Variants in EXOC6B observed in about 807,000 individuals in gnomAD.
EXOC6B encodes SEC15 homolog B.
A neutral mutation model predicts 113.5 loss-of-function variants in EXOC6B; 54 were observed. The ratio of observed to expected loss-of-function variants is 0.48; its 90% confidence interval spans 0.38 to 0.60. The LOEUF (loss-of-function observed/expected upper bound fraction) is 0.60. Among genes scored for constraint, EXOC6B ranks in the 20% least tolerant of loss-of-function variants. The pLI, the probability that EXOC6B is intolerant of heterozygous loss-of-function variation, is 0.00. For missense variants in EXOC6B, 797 were observed against 977.5 expected, an observed-to-expected ratio of 0.82 and a Z score of 2.46; for synonymous variants, 357 against 339.0, an observed-to-expected ratio of 1.05 and a Z score of -0.58.
At chr2:72,586,326 G>A (rs933841476) in intron 6 of EXOC6B, among the ~76,000 whole-genome samples, 2 of 152,100 alleles carry the variant, frequency 1.3e-5, no homozygotes, top group African/African-American at 2.4e-5. Context: ...TACAGAATGG[G>A]AGAAAATATT....
intron 19 of EXOC6B, among the ~76,000 whole-genome samples, chr2:72,344,964 T>C (rs1405181649): frequency 6.6e-6 from 1 of 151,940 alleles, no homozygotes; most frequent in East Asian, 1.9e-4. Flanking sequence ...AGAAGCAGCA[T>C]TCAACAATCA....
At chr2:72,605,560 A>G (rs756062592) in intron 6 of EXOC6B, among the ~76,000 whole-genome samples, 32 of 152,210 alleles carry the variant, frequency 2.1e-4, no homozygotes, top group Non-Finnish European at 4.0e-4. Flanking sequence ...TTATCTTTGC[A>G]TTTTAAGTTC....
intron 18 of EXOC6B, among the ~76,000 whole-genome samples, chr2:72,423,552 A>C (rs1421169960): frequency 6.6e-6 from 1 of 152,224 alleles, no homozygotes; most frequent in African/African-American, 2.4e-5. Context: ...AGGATCATAT[A>C]ATTGGCAAGT....
At chr2:72,638,546 G>A (rs116831628) in intron 6 of EXOC6B, among the ~76,000 whole-genome samples, 1,528 of 152,226 alleles carry the variant, frequency 0.01, 41 homozygotes, top group African/African-American at 0.035. Context: ...CCCTACATGA[G>A]GCTGCAGCAT....
intron 18 of EXOC6B, among the ~76,000 whole-genome samples, chr2:72,409,234 T>C (rs1218870845): frequency 6.6e-6 from 1 of 152,202 alleles, no homozygotes; most frequent in Admixed American, 6.5e-5. Context: ...CTAGAGAGGA[T>C]GTGGAGATAC....
At chr2:72,393,799 G>T (rs1033920965) in intron 18 of EXOC6B, among the ~76,000 whole-genome samples, 1 of 151,948 alleles carries the variant, frequency 6.6e-6, no homozygotes, top group African/African-American at 2.4e-5. Flanking sequence ...AAGGATAAAG[G>T]GTGTAGCCAT....
In EXOC6B at chr2:72,568,346, G is replaced by A. The variant is rs553886235; in HGVS notation, c.846+7146C>T. Among the ~76,000 whole-genome samples the A allele has an allele frequency of 5.4e-4, 82 of 152,096 alleles. 1 individual carries two copies. Among genetic ancestry groups the A allele is most frequent in the Admixed American group, 3.9e-4 (6 of 15,264 alleles). On this transcript the variant is annotated intron_variant, in intron 7 of 21. Coordinates refer to ENST00000272427, the MANE Select transcript of EXOC6B (RefSeq NM_015189.3). ...AACAACTAGAGATAGTTGTATAAAG[G>A]TTGTATATTAAGTGGCAGTGTCACC... is the stretch of plus-strand genomic sequence containing the variant.
intron 7 of EXOC6B, among the ~76,000 whole-genome samples, chr2:72,561,379 CTT>C (rs1389258421): frequency 1.3e-5 from 2 of 151,948 alleles, no homozygotes; most frequent in Admixed American, 1.3e-4. Context: ...TTTTTAAATT[CTT>C]TGTTACATAT....
chr2:72,477,711 C>T (rs1265311632), intron 17 of EXOC6B, among the ~76,000 whole-genome samples: 1 of 152,204 alleles, frequency 6.6e-6, no homozygotes, highest in African/African-American at 2.4e-5. Context: ...TACTTCATCT[C>T]TTATCGTCCA....
At position 72,176,220 on chromosome 2, in the gene EXOC6B, T is replaced by C. The variant is rs1416376487; in HGVS notation, c.*3115A>G. The C allele has an allele frequency of 2.0e-5, 3 of 151,366 alleles. No homozygotes were observed. The highest frequency in any genetic ancestry group is 7.3e-5 in the African/African-American group (3 of 41,122). The allele number at this position is 151,366 out of a possible 1,614,324, so 9.4% of individuals were successfully genotyped here. ...CTATCTGTGTAAAATAAAAATGCCA[T>C]TTCCAACACCTTTGTGAAAAGTAAT... On this transcript the variant is annotated 3_prime_UTR_variant, in exon 22 of 22. Transcript: ENST00000272427.
At chr2:72,577,693 A>C (rs1704961819) in intron 6 of EXOC6B, among the ~76,000 whole-genome samples, 1 of 151,678 alleles carries the variant, frequency 6.6e-6, no homozygotes, top group Non-Finnish European at 1.5e-5. Flanking sequence ...TATTAAAATG[A>C]AAATGTGACA....
intron 6 of EXOC6B, among the ~76,000 whole-genome samples, chr2:72,657,965 G>C (rs1674716701): frequency 6.6e-6 from 1 of 150,606 alleles, no homozygotes. Context: ...TTATTGCCCA[G>C]CTGTTCTGTA....
At chr2:72,219,266 G>C (rs1680722186) in intron 20 of EXOC6B, among the ~76,000 whole-genome samples, 1 of 151,958 alleles carries the variant, frequency 6.6e-6, no homozygotes, top group South Asian at 2.1e-4. Flanking sequence ...AGTGGCAAGA[G>C]GGAGCAAGGG....
At chr2:72,269,876 G>A (rs1000523) in intron 20 of EXOC6B, among the ~76,000 whole-genome samples, 5 of 152,002 alleles carry the variant, frequency 3.3e-5, no homozygotes, top group African/African-American at 1.2e-4. Context: ...AAAATAAAAG[G>A]GTTGAGGAAG....
intron 6 of EXOC6B, among the ~76,000 whole-genome samples, chr2:72,666,852 AAG>A (rs1361264069): frequency 6.6e-6 from 1 of 151,082 alleles, no homozygotes; most frequent in African/African-American, 2.4e-5. Flanking sequence ...CATCTGATAA[AAG>A]AGAGGAAAGA....
chr2:72,475,199 C>G (rs931749860), intron 17 of EXOC6B, among the ~76,000 whole-genome samples: 1 of 152,058 alleles, frequency 6.6e-6, no homozygotes, highest in East Asian at 1.9e-4. Context: ...TTAGTGAGTC[C>G]AGATGGGCCA....
chr2:72,242,338 G>A (rs1052003844), intron 20 of EXOC6B, among the ~76,000 whole-genome samples: 2 of 152,064 alleles, frequency 1.3e-5, no homozygotes, highest in Non-Finnish European at 2.9e-5. Flanking sequence ...TGAAATAAAC[G>A]AAGTAATATT....
At chr2:72,267,008 C>G (rs1022529018) in intron 20 of EXOC6B, among the ~76,000 whole-genome samples, 8 of 152,104 alleles carry the variant, frequency 5.3e-5, no homozygotes, top group African/African-American at 1.9e-4. Flanking sequence ...ATTTTATTCT[C>G]CTTGAAGCAA....
chr2:72,730,275 A>AT (rs1342706010), intron 5 of EXOC6B, among the ~76,000 whole-genome samples: 1 of 152,146 alleles, frequency 6.6e-6, no homozygotes, highest in African/African-American at 2.4e-5. Context: ...CTGTGATGGT[A>AT]TTTTTTAGAT....
Sources: gnomAD v4.1 joint callset for allele counts (sites outside exome capture counted in the v4.1 genomes callset) on GRCh38, gnomAD v4.1.1 for gene constraint, MANE v1.5 for transcripts, NCBI Gene and HGNC (gene_info 2026-07-23, HGNC 2026-07-21) for gene names.